Variants in RNF17 observed in about 807,000 individuals in gnomAD.
The protein encoded by RNF17 is ring finger protein 17, also known as spermatogenesis associated 23.
A neutral mutation model predicts 200.5 loss-of-function variants in RNF17; 31 were observed. The observed-to-expected ratio is 0.15, with a 90% CI of 0.12 to 0.21. The LOEUF (loss-of-function observed/expected upper bound fraction) is 0.21. Among genes scored for constraint, RNF17 ranks in the 10% least tolerant of loss-of-function variants. RNF17 has a pLI of 1.00. For missense variants in RNF17, 1,628 were observed against 1,905.1 expected, an observed-to-expected ratio of 0.85 and a Z score of 2.71; for synonymous variants, 606 against 637.8, an observed-to-expected ratio of 0.95 and a Z score of 0.75.
intron 11 of RNF17, 59 bp downstream of exon 11, chr13:24,796,354 G>T: frequency 8.3e-7 from 1 of 1,208,294 alleles, no homozygotes; most frequent in South Asian, 1.8e-5. Flanking sequence ...ATAATAACTT[G>T]GCCAACCCAC....
chr13:24,770,526 G>A (rs1263847468), intron 2 of RNF17, among the ~76,000 whole-genome samples: 2 of 152,046 alleles, frequency 1.3e-5, no homozygotes, highest in Non-Finnish European at 2.9e-5. Flanking sequence ...TGAACTAGGA[G>A]GTATATAGAA....
chr13:24,852,311 T>G (rs535204508), intron 24 of RNF17, among the ~76,000 whole-genome samples: 73 of 152,192 alleles, frequency 4.8e-4, no homozygotes, highest in African/African-American at 1.7e-3. Context: ...GCTAATTTTT[T>G]GTATTTTTAG....
intron 7 of RNF17, among the ~76,000 whole-genome samples, chr13:24,788,877 T>A (rs778954171): frequency 6.6e-6 from 1 of 152,136 alleles, no homozygotes; most frequent in Non-Finnish European, 1.5e-5. Flanking sequence ...TTTACCTGCC[T>A]CCAAAGTCTC....
intron 15 of RNF17, among the ~76,000 whole-genome samples, chr13:24,806,585 G>C (rs1477917700): frequency 2.0e-5 from 3 of 152,132 alleles, no homozygotes; most frequent in African/African-American, 7.2e-5. Flanking sequence ...GACCAGTGAT[G>C]ATGAGCATGT....
At chr13:24,763,646 C>T (rs1232147621), upstream of RNF17, among the ~76,000 whole-genome samples, 1 of 152,164 alleles carries the variant, frequency 6.6e-6, no homozygotes, top group Non-Finnish European at 1.5e-5. Context: ...AAATTCTTAG[C>T]ATCCCCAACC....
At chr13:24,792,262 A>T (rs1381145364) in intron 9 of RNF17, among the ~76,000 whole-genome samples, 6 of 152,104 alleles carry the variant, frequency 3.9e-5, no homozygotes, top group Admixed American at 3.3e-4. Flanking sequence ...ATTTTTTCCT[A>T]GTTTTTAGGG....
At chr13:24,809,634 A>G (rs1355447990) in intron 15 of RNF17, among the ~76,000 whole-genome samples, 3 of 151,364 alleles carry the variant, frequency 2.0e-5, no homozygotes, top group African/African-American at 4.9e-5. Context: ...TTGTGTCTCT[A>G]TTTCCTTCAG....
At chr13:24,881,881 GATAT>G (rs1381650143), downstream of RNF17, among the ~76,000 whole-genome samples, 2 of 121,018 alleles carry the variant, frequency 1.7e-5, no homozygotes, top group African/African-American at 2.9e-5. Context: ...CATCTATATA[GATAT>G]ATAGATACAT....
rs1332979493 is a variant in RNF17 at position 24,764,199 on chromosome 13, C to A, written c.-5C>A. 6.9e-6 allele frequency: 11 copies of A among 1,582,828 alleles called. No homozygotes were observed. The highest frequency in any genetic ancestry group is 9.5e-6 in the Non-Finnish European group (11 of 1,156,384). ...CGGCGGTTGTTCCAGAAGAAAGAGACAGCGATGGCGGCAGAGGCTTCGAAG... is the reference window on the plus strand; with the variant it reads ...CGGCGGTTGTTCCAGAAGAAAGAGAAAGCGATGGCGGCAGAGGCTTCGAAG... On this transcript the variant is annotated 5_prime_UTR_variant, in exon 1 of 36. Transcript: ENST00000255324.
chr13:24,809,026 G>A (rs1487611437), intron 15 of RNF17, among the ~76,000 whole-genome samples: 1 of 152,064 alleles, frequency 6.6e-6, no homozygotes, highest in Non-Finnish European at 1.5e-5. Context: ...GCTTTTTGAT[G>A]TGCTGCTGGA....
In RNF17 at chr13:24,843,529, T is replaced by A. The variant is rs539494571; in HGVS notation, c.2604-215T>A. Among the ~76,000 whole-genome samples the A allele has an allele frequency of 9.3e-3, 1,407 of 151,792 alleles. 6 individuals are homozygous for A. Among genetic ancestry groups the A allele is most frequent in the East Asian group, 0.016 (84 of 5,162 alleles). ...CGAGACTCCATTTAAAAAAAAAAAA[T>A]TTTTTTTGGATTGAATCTTCTCCTT... On this transcript the variant is annotated intron_variant, in intron 19 of 35. Transcript: ENST00000255324.
chr13:24,815,084 T>G (rs1206925276), intron 15 of RNF17, among the ~76,000 whole-genome samples: 1 of 152,194 alleles, frequency 6.6e-6, no homozygotes, highest in Non-Finnish European at 1.5e-5. Flanking sequence ...CAGAGAAATG[T>G]CATTGGGATT....
chr13:24,802,711 T>C (rs558681861), intron 14 of RNF17, 140 bp downstream of exon 14: 1 of 621,830 alleles, frequency 1.6e-6, no homozygotes, highest in African/African-American at 1.9e-5. Flanking sequence ...CTTAGACTTT[T>C]CTGAGTACAG....
intron 29 of RNF17, among the ~76,000 whole-genome samples, chr13:24,865,254 A>G (rs1386325189): frequency 6.6e-6 from 1 of 152,208 alleles, no homozygotes; most frequent in Non-Finnish European, 1.5e-5. Flanking sequence ...TGCCCATGCT[A>G]TTCAGTGTTG....
At chr13:24,863,163 G>A (rs941685132) in intron 28 of RNF17, among the ~76,000 whole-genome samples, 2 of 152,176 alleles carry the variant, frequency 1.3e-5, no homozygotes, top group African/African-American at 4.8e-5. Flanking sequence ...AGTCTATCAT[G>A]ATCTGTGTCC....
the RNF17 span, among the ~76,000 whole-genome samples, chr13:24,753,528 C>T: frequency 6.6e-6 from 1 of 152,198 alleles, no homozygotes; most frequent in South Asian, 2.1e-4. Context: ...ACTGTGCTTA[C>T]CTGGAAGAAA....
chr13:24,851,508 A>G lies in RNF17; in HGVS notation c.3257A>G (p.Lys1086Arg), dbSNP rs1891888235. 2 of 1,613,838 alleles carry G rather than the reference A, an allele frequency of 1.2e-6. No individual in the cohort carries two copies. The highest frequency in any genetic ancestry group is 1.3e-5 in the African/African-American group (1 of 74,926). The change falls in exon 24 of 36, where the codon AAA becomes AGA. Residue 1086 changes from lysine to arginine, a missense_variant. Physicochemically the swap from Lys to Arg is conservative, Grantham distance 26. This residue lies in a region of RNF17 where 609 missense variants were observed against 681.9 expected (regional missense o/e 0.89). Transcript: ENST00000255324. ...LPVKIFCRDEKGERVDVSKYL... is the reference protein window; with the variant it reads ...LPVKIFCRDERGERVDVSKYL... ...GTGAAAATTTTCTGCAGAGATGAAA[A>G]AGGAGAGCGTGTTGATGTTTCTAAA...
intron 18 of RNF17, among the ~76,000 whole-genome samples, chr13:24,834,113 AAAG>A (rs1291093294): frequency 6.6e-6 from 1 of 152,084 alleles, no homozygotes; most frequent in Admixed American, 6.6e-5. Flanking sequence ...TCCTGGTAAA[AAAG>A]CTTTTTAGGC....
intron 16 of RNF17, among the ~76,000 whole-genome samples, chr13:24,830,087 A>G (rs1458828637): frequency 3.9e-5 from 6 of 152,190 alleles, no homozygotes; most frequent in Non-Finnish European, 1.5e-5. Context: ...GCTTAGAGAG[A>G]AAAAGTAACT....
Sources: gnomAD v4.1 joint callset for allele counts (sites outside exome capture counted in the v4.1 genomes callset) on GRCh38, gnomAD v4.1.1 for gene constraint, gnomAD v4.1.1 regional missense constraint, MANE v1.5 for transcripts, NCBI Gene and HGNC (gene_info 2026-07-23, HGNC 2026-07-21) for gene names.